AURKA: variants seen among roughly 807,000 people sequenced by gnomAD.
AURKA encodes aurora kinase A, also known as aurora 2.
A neutral mutation model predicts 40.9 loss-of-function variants in AURKA; 12 were observed. The ratio of observed to expected loss-of-function variants is 0.29; its 90% CI spans 0.19 to 0.48. The LOEUF (loss-of-function observed/expected upper bound fraction) is 0.48. AURKA is among the 20% of genes least tolerant of loss of function. The pLI is 0.99. For missense variants in AURKA, 322 were observed against 462.1 expected, an observed-to-expected ratio of 0.70 and a Z score of 2.78; for synonymous variants, 170 against 164.3, an observed-to-expected ratio of 1.03 and a Z score of -0.26.
chr20:56,370,779 T>C, intron 7 of AURKA, 120 bp from the exon 8 acceptor site: 4 of 1,047,414 alleles, frequency 3.8e-6, no homozygotes, highest in Non-Finnish European at 5.5e-6. Context: ...TCCTGTGCCC[T>C]AGGAAGTAGC....
At chr20:56,371,410 A>G (rs555154567) in intron 7 of AURKA, among the ~76,000 whole-genome samples, 8 of 152,086 alleles carry the variant, frequency 5.3e-5, no homozygotes, top group Non-Finnish European at 1.2e-4. Flanking sequence ...GTAGTGAGCC[A>G]AGATCGCACC....
intron 5 of AURKA, among the ~76,000 whole-genome samples, chr20:56,382,396 G>A (rs1472759816): frequency 6.6e-6 from 1 of 152,086 alleles, no homozygotes; most frequent in East Asian, 1.9e-4. Context: ...CACCAGGCCT[G>A]ATGTGGCCAG....
rs1290876568 is a variant in AURKA at position 56,373,840 on chromosome 20, C to T, written c.706-284G>A. 6.6e-6 allele frequency among the ~76,000 whole-genome samples: 1 copy of T among 152,108 alleles called. No homozygotes were observed. The highest frequency in any genetic ancestry group is 1.5e-5 in the Non-Finnish European group (1 of 68,024). ...TGGTGCATGCCTGTAGTCCCAGCTACTTGGGAGGCTGAGGCAGGAGGATTG... is the reference window on the plus strand; with the variant it reads ...TGGTGCATGCCTGTAGTCCCAGCTATTTGGGAGGCTGAGGCAGGAGGATTG... On this transcript the variant is annotated intron_variant, in intron 6 of 8. Transcript: ENST00000395915. The surrounding 1 kb of genome is among the most constrained non-coding windows in gnomAD (Gnocchi z 5.0).
intron 2 of AURKA, among the ~76,000 whole-genome samples, chr20:56,387,713 C>G (rs1005691734): frequency 6.6e-6 from 1 of 152,206 alleles, no homozygotes; most frequent in African/African-American, 2.4e-5. Context: ...GAAATTAGCA[C>G]ACTGTCCACA....
intron 6 of AURKA, among the ~76,000 whole-genome samples, chr20:56,377,778 T>G (rs113398124): frequency 0.011 from 1,701 of 151,478 alleles, 41 homozygotes; most frequent in African/African-American, 0.039. Context: ...AGAGCGAGAC[T>G]CCGTCTCAAA....
chr20:56,390,659 T>G (rs1287260828), intron 1 of AURKA: 1 of 142,208 alleles, frequency 7.0e-6, no homozygotes, highest in Non-Finnish European at 1.5e-5. Context: ...GGCAATGGAG[T>G]GAGACCCTGT....
chr20:56,377,009 G>A (rs956799991), intron 6 of AURKA, among the ~76,000 whole-genome samples: 32 of 152,144 alleles, frequency 2.1e-4, no homozygotes, highest in Middle Eastern at 3.2e-3. Context: ...GAACACAGGA[G>A]GTAGAAGTTG....
Position 56,373,276 on chromosome 20 carries a change from C to T in AURKA, c.854+132G>A, listed in dbSNP as rs1984510346. 3 of 1,228,236 alleles carry T rather than the reference C, an allele frequency of 2.4e-6. No homozygotes were observed. Among genetic ancestry groups the T allele is most frequent in the South Asian group, 2.5e-5 (2 of 80,234 alleles). 76.1% of individuals were successfully genotyped at this position (1,228,236 alleles called of 1,614,324 possible). On this transcript the variant is annotated intron_variant, in intron 7 of 8. Transcript: ENST00000395915. The surrounding 1 kb of genome is among the most constrained non-coding windows in gnomAD (Gnocchi z 5.0). ...GTTTATTATTAAGCCTAAATTACTCCAAAGTACTTCTGGGTTAGCCACCTA... is the reference window on the plus strand; with the variant it reads ...GTTTATTATTAAGCCTAAATTACTCTAAAGTACTTCTGGGTTAGCCACCTA...
intron 1 of AURKA, among the ~76,000 whole-genome samples, chr20:56,389,698 T>C (rs1986813011): frequency 6.6e-6 from 1 of 152,108 alleles, no homozygotes; most frequent in Non-Finnish European, 1.5e-5. Context: ...TCCTAATCTC[T>C]CCCCACTCTC....
At chr20:56,388,250 A>C in intron 1 of AURKA, 48 bp from the exon 2 acceptor site, 5 of 1,072,450 alleles carry the variant, frequency 4.7e-6, no homozygotes, top group Non-Finnish European at 3.5e-6. Flanking sequence ...CCACCTGCTT[A>C]AAGTGCTGTT....
chr20:56,372,001 AG>A (rs535781376), intron 7 of AURKA, among the ~76,000 whole-genome samples: 2 of 152,380 alleles, frequency 1.3e-5, no homozygotes, highest in East Asian at 3.9e-4. Context: ...CTGTATAGAC[AG>A]GTATGCCATC....
chr20:56,387,048 G>A (rs1986461865), intron 2 of AURKA, among the ~76,000 whole-genome samples: 1 of 152,086 alleles, frequency 6.6e-6, no homozygotes, highest in Non-Finnish European at 1.5e-5. Flanking sequence ...CTGTACTATT[G>A]ATTAACCAAT....
chr20:56,370,387 G>T (rs1983982736), intron 8 of AURKA, 47 bp from the exon 9 acceptor site: 1 of 1,613,634 alleles, frequency 6.2e-7, no homozygotes, highest in African/African-American at 1.3e-5. Context: ...AGGTTAGAGA[G>T]ATCAAATAGT....
chr20:56,378,245 A>C (rs1337748069), intron 6 of AURKA, among the ~76,000 whole-genome samples: 2 of 152,086 alleles, frequency 1.3e-5, no homozygotes, highest in Non-Finnish European at 2.9e-5. Context: ...TTCCGATACC[A>C]CATTACCGTT....
At chr20:56,383,993 T>G (rs1986056569) in intron 4 of AURKA, among the ~76,000 whole-genome samples, 2 of 152,248 alleles carry the variant, frequency 1.3e-5, no homozygotes, top group African/African-American at 4.8e-5. Flanking sequence ...AGTGGTTATT[T>G]CTAAGGACAG....
At position 56,370,344 on chromosome 20, in the gene AURKA, G is replaced by C. The variant is rs1334565109; in HGVS notation, c.1030-4C>G. 8 of 1,614,062 alleles carry C rather than the reference G, an allele frequency of 5.0e-6. No homozygotes were observed. The highest frequency in any genetic ancestry group is 1.7e-5 in the Admixed American group (1 of 60,002). ...AGTCAGGGAATGTGAATTCAACCTG[G>C]AGTACAACAAATGATAAAATATCAC... On this transcript the variant is annotated splice_polypyrimidine_tract_variant and splice_region_variant and intron_variant, in intron 8 of 8. Transcript: ENST00000395915.
chr20:56,382,962 T>A lies in AURKA; in HGVS notation c.566+23A>T, dbSNP rs201174158. 6.1e-5 allele frequency: 98 copies of A among 1,612,510 alleles called. No homozygotes were observed. The African/African-American group carries it at 1.2e-3, about 20-fold the overall frequency. ...GGTGCAGCATTGGTGAACATTCTTT[T>A]GAACATGAACCTGAAAACTCACCGA... is the stretch of plus-strand genomic sequence containing the variant. On this transcript the variant is annotated intron_variant, in intron 5 of 8. Coordinates refer to ENST00000395915, the MANE Select transcript of AURKA (RefSeq NM_198437.3).
In AURKA at chr20:56,386,409, C is replaced by G; in HGVS notation, c.167G>C (p.Arg56Pro). 1 of 1,614,090 alleles carries G rather than the reference C, an allele frequency of 6.2e-7. No individual in the cohort carries two copies. The highest frequency in any genetic ancestry group is 2.2e-5 in the East Asian group (1 of 44,886). The change falls in exon 3 of 9, where the codon CGC (arginine) becomes CCC (proline). Residue 56 changes from arginine (R) to proline (P), a missense_variant. By Grantham distance (103) the Arg-to-Pro change is moderately radical. Coordinates refer to ENST00000395915, the MANE Select transcript of AURKA (RefSeq NM_198437.3). Reference protein sequence around the residue: ...RVLCPSNSSQRIPLQAQKLVS... With the variant: ...RVLCPSNSSQPIPLQAQKLVS... The stretch of plus-strand genomic sequence containing the variant: ...AAGCTTTTGTGCTTGCAAAGGAATG[C>G]GCTGGGAAGAATTTGAAGGACACAA...
chr20:56,374,200 A>C (rs1205793999), intron 6 of AURKA, among the ~76,000 whole-genome samples: 1 of 152,228 alleles, frequency 6.6e-6, no homozygotes, highest in African/African-American at 2.4e-5. Flanking sequence ...TGTCAATGCA[A>C]AACACAGTTA....
Sources: allele counts gnomAD v4.1 joint callset (sites outside exome capture counted in the v4.1 genomes callset), GRCh38; gene constraint gnomAD v4.1.1; non-coding constraint Gnocchi (gnomAD v3.1); transcripts MANE v1.5; gene names NCBI Gene and HGNC (gene_info 2026-07-23, HGNC 2026-07-21).